Variants in LCMT1 observed in about 807,000 individuals in gnomAD.
LCMT1 encodes leucine carboxyl methyltransferase 1.
A neutral mutation model predicts 47.7 loss-of-function variants in LCMT1; 32 were observed. The observed-to-expected ratio is 0.67, with a 90% CI of 0.51 to 0.90. The LOEUF is 0.90. Ranked by LOEUF, LCMT1 falls within the 40% of genes least tolerant of loss-of-function variation. The pLI is 0.00. For synonymous variants in LCMT1, 152 were observed against 149.7 expected (o/e 1.02, Z -0.11); for missense variants, 375 against 415.2 (o/e 0.90, Z 0.84).
At chr16:25,139,378 TG>T (rs1483608255) in intron 3 of LCMT1, among the ~76,000 whole-genome samples, 10 of 152,136 alleles carry the variant, frequency 6.6e-5, no homozygotes, top group Admixed American at 2.0e-4. Flanking sequence ...TATCAGAGGC[TG>T]GGCACCTGTA....
At position 25,161,210 on chromosome 16, in the gene LCMT1, A is replaced by G. The variant is rs953988599; in HGVS notation, c.569+6A>G. 6 of 1,344,290 alleles carry G rather than the reference A, an allele frequency of 4.5e-6. No individual in the cohort carries two copies. The African/African-American group carries it at 5.9e-5, about 13-fold the overall frequency. 83.3% of individuals were successfully genotyped at this position (1,344,290 alleles called of 1,614,324 possible). Reference sequence around the variant, plus strand: ...AAATGTAACATGAATACACAGTGAGATTTTTTTTTTTAAACCTCTTCTGCA... The same window carrying G: ...AAATGTAACATGAATACACAGTGAGGTTTTTTTTTTTAAACCTCTTCTGCA... On this transcript the variant is annotated splice_donor_region_variant and intron_variant, in intron 6 of 10. Transcript: ENST00000399069.
chr16:25,173,715 G>GTT (rs11378137), intron 9 of LCMT1, among the ~76,000 whole-genome samples: 67 of 149,962 alleles, frequency 4.5e-4, no homozygotes, highest in Non-Finnish European at 6.2e-4. Context: ...CTTTTTTTTT[G>GTT]TTTTTTTTTG....
At chr16:25,122,305 T>C (rs952059269) in intron 1 of LCMT1, among the ~76,000 whole-genome samples, 55 of 152,052 alleles carry the variant, frequency 3.6e-4, no homozygotes, top group Non-Finnish European at 5.0e-4. Flanking sequence ...CTCCTGATGA[T>C]GATGATGATG....
intron 1 of LCMT1, among the ~76,000 whole-genome samples, chr16:25,121,709 C>A (rs956356621): frequency 6.6e-6 from 1 of 152,130 alleles, no homozygotes; most frequent in Non-Finnish European, 1.5e-5. Flanking sequence ...AAATGCCAGT[C>A]GCTTGTAAAA....
intron 3 of LCMT1, among the ~76,000 whole-genome samples, chr16:25,136,687 T>G (rs1406669749): frequency 6.6e-6 from 1 of 151,806 alleles, no homozygotes; most frequent in Non-Finnish European, 1.5e-5. Context: ...GTAGCTGGGA[T>G]TACAGATGCG....
intron 2 of LCMT1, among the ~76,000 whole-genome samples, chr16:25,129,309 AAAG>A (rs1426164397): frequency 6.6e-6 from 1 of 152,208 alleles, no homozygotes; most frequent in Non-Finnish European, 1.5e-5. Flanking sequence ...AAGAAAAAAA[AAAG>A]AACACAATAT....
chr16:25,162,371 C>T (rs889189743), intron 6 of LCMT1, among the ~76,000 whole-genome samples: 12 of 151,860 alleles, frequency 7.9e-5, no homozygotes, highest in Non-Finnish European at 1.5e-4. Context: ...GGCAGATCAC[C>T]TGAGGTCAGG....
intron 9 of LCMT1, among the ~76,000 whole-genome samples, chr16:25,174,321 C>A (rs747152953): frequency 5.9e-5 from 9 of 152,158 alleles, no homozygotes; most frequent in Non-Finnish European, 1.0e-4. Context: ...AAAAACAACC[C>A]TCCTCACTAC....
chr16:25,177,486 G>A (rs919425105), intron 10 of LCMT1, among the ~76,000 whole-genome samples: 2 of 152,140 alleles, frequency 1.3e-5, no homozygotes, highest in African/African-American at 4.8e-5. Flanking sequence ...AATGCTCAAT[G>A]AGCATAATTG....
intron 5 of LCMT1, among the ~76,000 whole-genome samples, chr16:25,159,555 C>T (rs540344921): frequency 4.1e-4 from 62 of 152,288 alleles, no homozygotes; most frequent in Middle Eastern, 3.4e-3. Context: ...CGTGAGCCAC[C>T]GCACCCAGAT....
In LCMT1 at chr16:25,121,425, G is replaced by T. The variant is rs546758525; in HGVS notation, c.114-7050G>T. Among the ~76,000 whole-genome samples the T allele has an allele frequency of 1.2e-4, 18 of 152,152 alleles. No homozygotes were observed. In the South Asian group the frequency reaches 3.5e-3, roughly 30 times the overall value. Reference sequence around the variant, plus strand: ...CTCCATCTCAAAAGAAAAAGAAAAAGATATCAATTTCAAATTATTTTTTTC... The same window carrying T: ...CTCCATCTCAAAAGAAAAAGAAAAATATATCAATTTCAAATTATTTTTTTC... On this transcript the variant is annotated intron_variant, in intron 1 of 10. Transcript: ENST00000399069.
At chr16:25,123,710 C>T (rs146269369) in intron 1 of LCMT1, among the ~76,000 whole-genome samples, 1 of 145,732 alleles carries the variant, frequency 6.9e-6, no homozygotes, top group African/African-American at 2.6e-5. Context: ...TGGGTTCAAG[C>T]GATTCTCCTG....
chr16:25,111,827 C>G lies in LCMT1; in HGVS notation c.-57C>G, dbSNP rs1959619506. The G allele has an allele frequency of 8.2e-7, 1 of 1,216,784 alleles. No homozygotes were observed. The highest frequency in any genetic ancestry group is 2.5e-5 in the East Asian group (1 of 39,754). The allele number at this position is 1,216,784 out of a possible 1,614,324, so 75.4% of individuals were successfully genotyped here. A position where few individuals can be genotyped will look rare whatever the true frequency, so the allele number is the denominator to read the frequency against. On this transcript the variant is annotated 5_prime_UTR_variant, in exon 1 of 11. Coordinates refer to ENST00000399069, the MANE Select transcript of LCMT1 (RefSeq NM_016309.3). Reference sequence around the variant, plus strand: ...TGTGGCTCGCGCCGTCCCCCGCCGCCCGTCGACCCCGCTTCCATGTCCCTG... The same window carrying G: ...TGTGGCTCGCGCCGTCCCCCGCCGCGCGTCGACCCCGCTTCCATGTCCCTG...
At chr16:25,157,136 T>C (rs1273223857) in intron 5 of LCMT1, among the ~76,000 whole-genome samples, 1 of 150,234 alleles carries the variant, frequency 6.7e-6, no homozygotes, top group Non-Finnish European at 1.5e-5. Flanking sequence ...ATTAGTCATA[T>C]GATACACCAG....
intron 3 of LCMT1, among the ~76,000 whole-genome samples, chr16:25,139,447 T>A (rs1467050705): frequency 6.6e-6 from 1 of 151,814 alleles, no homozygotes; most frequent in Non-Finnish European, 1.5e-5. Context: ...GAGGCAGAGG[T>A]TGCAGTGAGC....
rs116937664 is a variant in LCMT1, at chr16:25,124,309, C to G, written c.114-4166C>G. Among the ~76,000 whole-genome samples, 677 of 152,296 alleles carry G rather than the reference C, an allele frequency of 4.4e-3. 4 individuals are homozygous for G. Among genetic ancestry groups the G allele is most frequent in the Non-Finnish European group, 5.2e-3 (353 of 68,032 alleles). On this transcript the variant is annotated intron_variant, in intron 1 of 10. Transcript: ENST00000399069. ...GTACATGTATACAGACAAACACACACACATCATTTAAGCAACTCAGGTGTT... is the reference window on the plus strand; with the variant it reads ...GTACATGTATACAGACAAACACACAGACATCATTTAAGCAACTCAGGTGTT...
chr16:25,150,518 A>AT (rs1443807284), intron 4 of LCMT1, among the ~76,000 whole-genome samples: 17 of 151,288 alleles, frequency 1.1e-4, no homozygotes, highest in African/African-American at 3.9e-4. Flanking sequence ...CTAATTTTGT[A>AT]TTTTTAGTAG....
intron 10 of LCMT1, among the ~76,000 whole-genome samples, chr16:25,176,687 G>C (rs1961955552): frequency 6.7e-6 from 1 of 148,178 alleles, no homozygotes. Context: ...TCAGCCTCCT[G>C]AGTAGCTGGG....
In LCMT1 at chr16:25,164,639, T is replaced by C. The variant is rs548412960; in HGVS notation, c.611T>C (p.Met204Thr). Reference sequence around the variant, plus strand: ...ATAGCTGAATGTGTGCTGGTTTACATGACTCCAGAGCAGTCCGCAAACCTC... The same window carrying C: ...ATAGCTGAATGTGTGCTGGTTTACACGACTCCAGAGCAGTCCGCAAACCTC... ...LLIAECVLVY[M>T]TPEQSANLLK... Residue 204 changes from methionine (M) to threonine (T), a missense_variant, in exon 7 of 11, where the codon ATG (methionine) becomes ACG (threonine). By Grantham distance (81) the Met-to-Thr change is moderately conservative. Transcript: ENST00000399069. 6.2e-7 allele frequency: 1 copy of C among 1,613,874 alleles called. No homozygotes were observed. The highest frequency in any genetic ancestry group is 8.5e-7 in the Non-Finnish European group (1 of 1,179,868).
Sources: allele counts gnomAD v4.1 joint callset (sites outside exome capture counted in the v4.1 genomes callset), GRCh38; gene constraint gnomAD v4.1.1; transcripts MANE v1.5; gene names NCBI Gene and HGNC (gene_info 2026-07-23, HGNC 2026-07-21).